YAP1: variants seen among roughly 807,000 people sequenced by gnomAD.
The protein encoded by YAP1 is Yes1 associated transcriptional regulator.
YAP1 carries 5 observed loss-of-function variants against 56.9 expected under a neutral mutation model. The observed-to-expected ratio is 0.09, with a 90% CI of 0.05 to 0.18. The LOEUF (loss-of-function observed/expected upper bound fraction) is 0.18, where lower values mean the gene tolerates loss of function less well. Among genes scored for constraint, YAP1 ranks in the 10% least tolerant of loss-of-function variants. The pLI, the probability that YAP1 is intolerant of heterozygous loss-of-function variation, is 1.00. For synonymous variants in YAP1, 265 were observed against 248.1 expected, an observed-to-expected ratio of 1.07 and a Z score of -0.64; for missense variants, 539 against 651.8, an observed-to-expected ratio of 0.83 and a Z score of 1.88.
At chr11:102,164,054 T>C (rs1367868903) in intron 3 of YAP1, among the ~76,000 whole-genome samples, 1 of 150,582 alleles carries the variant, frequency 6.6e-6, no homozygotes, top group Non-Finnish European at 1.5e-5. Flanking sequence ...TTTTTTTTTA[T>C]TGAGACGGAG....
chr11:102,111,722 T>C (rs928429000), intron 1 of YAP1, among the ~76,000 whole-genome samples: 9 of 152,220 alleles, frequency 5.9e-5, no homozygotes, highest in African/African-American at 9.6e-5. Context: ...CACTTCAGTC[T>C]CCTGGGGGAG....
At chr11:102,208,285 A>C (rs1949223460) in intron 5 of YAP1, among the ~76,000 whole-genome samples, 2 of 152,176 alleles carry the variant, frequency 1.3e-5, no homozygotes, top group African/African-American at 4.8e-5. Flanking sequence ...GAAGGGTATT[A>C]TATAGTATCT....
At chr11:102,205,232 A>G (rs1565266734) in intron 4 of YAP1, among the ~76,000 whole-genome samples, 1 of 152,030 alleles carries the variant, frequency 6.6e-6, no homozygotes, top group Non-Finnish European at 1.5e-5. Context: ...TGTCATCCAG[A>G]TACTTGTGGA....
In YAP1 at chr11:102,223,690, T is replaced by C; in HGVS notation, c.1101T>C (p.Ser367=). The change falls in exon 7 of 9, where the codon TCT becomes TCC. Residue 367 remains serine (S), a synonymous_variant. Coordinates refer to ENST00000282441, the MANE Select transcript of YAP1 (RefSeq NM_001130145.3). ...GTGGGACTCAAAATCCAGTGTCTTC[T>C]CCCGGGATGTCTCAGGAATTGAGAA... The part of the protein sequence containing the change: ...QDGGTQNPVS[S]PGMSQELRTM... 3.7e-6 allele frequency: 6 copies of C among 1,614,126 alleles called. No homozygotes were observed. Among genetic ancestry groups the C allele is most frequent in the Non-Finnish European group, 5.1e-6 (6 of 1,180,018 alleles).
intron 6 of YAP1, among the ~76,000 whole-genome samples, chr11:102,218,255 T>TGGG (rs973962759): frequency 2.0e-5 from 3 of 152,190 alleles, no homozygotes; most frequent in Non-Finnish European, 4.4e-5. Flanking sequence ...AGTCATCCCT[T>TGGG]GGGGGATTGG....
intron 2 of YAP1, among the ~76,000 whole-genome samples, chr11:102,124,724 GTTTTC>G (rs1943921077): frequency 1.3e-5 from 2 of 151,874 alleles, no homozygotes; most frequent in Non-Finnish European, 2.9e-5. Flanking sequence ...TGTTGATTTT[GTTTTC>G]TTTTGTTTCT....
intron 2 of YAP1, among the ~76,000 whole-genome samples, chr11:102,114,615 G>C (rs760550730): frequency 6.6e-6 from 1 of 152,028 alleles, no homozygotes; most frequent in Non-Finnish European, 1.5e-5. Flanking sequence ...CTGAGTCTTG[G>C]TTCTGAGCCT....
chr11:102,225,590 G>C (rs1422443904), intron 7 of YAP1, among the ~76,000 whole-genome samples: 1 of 152,052 alleles, frequency 6.6e-6, no homozygotes, highest in Non-Finnish European at 1.5e-5. Context: ...GCCCCAACTT[G>C]CCTTGGCATT....
intron 3 of YAP1, among the ~76,000 whole-genome samples, chr11:102,162,856 G>A (rs998904504): frequency 3.3e-5 from 5 of 152,098 alleles, no homozygotes; most frequent in Admixed American, 6.5e-5. Context: ...TAATTTTGAC[G>A]TATTTGGTTT....
rs538810789 is a variant in YAP1, at chr11:102,175,324, T to G, written c.689-10694T>G. 7.2e-5 allele frequency among the ~76,000 whole-genome samples: 11 copies of G among 152,028 alleles called. No homozygotes were observed. The South Asian group carries it at 2.3e-3, about 32-fold the overall frequency. On this transcript the variant is annotated intron_variant, in intron 3 of 8. Transcript: ENST00000282441. ...CTGAGGTGGGAGAATTGCTTGAACC[T>G]GGGAGGTGGAGGCTGCAGTGAGCCA... is the stretch of plus-strand genomic sequence containing the variant.
At chr11:102,225,867 C>T (rs1371758857) in intron 7 of YAP1, among the ~76,000 whole-genome samples, 1 of 152,214 alleles carries the variant, frequency 6.6e-6, no homozygotes, top group African/African-American at 2.4e-5. Context: ...TCCTCAAAGC[C>T]TAGTCTAATG....
chr11:102,124,809 T>C (rs1180948947), intron 2 of YAP1, among the ~76,000 whole-genome samples: 1 of 152,110 alleles, frequency 6.6e-6, no homozygotes, highest in Non-Finnish European at 1.5e-5. Context: ...CATCTCAGCT[T>C]ACTGCAACCT....
chr11:102,136,869 G>C (rs1591187048), intron 2 of YAP1, among the ~76,000 whole-genome samples: 1 of 152,248 alleles, frequency 6.6e-6, no homozygotes, highest in East Asian at 1.9e-4. Flanking sequence ...CTGTCGCTGT[G>C]TCAGTAGCAC....
rs1565300051 is a variant in YAP1 at position 102,232,927 on chromosome 11, CTG to C, written c.*2991_*2992del. ...AGTGACTTTGCTACAAATAATGTTG[CTG>C]TGTTAAGTATTCATATTAAATACAT... On this transcript the variant is annotated 3_prime_UTR_variant, in exon 9 of 9. Coordinates refer to ENST00000282441, the MANE Select transcript of YAP1 (RefSeq NM_001130145.3). 2 of 152,362 alleles carry C rather than the reference CTG, an allele frequency of 1.3e-5. No individual in the cohort carries two copies. The highest frequency in any genetic ancestry group is 1.5e-5 in the Non-Finnish European group (1 of 68,026). The allele number at this position is 152,362 out of a possible 1,614,324, so 9.4% of individuals were successfully genotyped here. A position where few individuals can be genotyped will look rare whatever the true frequency, so the allele number is the denominator to read the frequency against.
rs1258720060 is a variant in YAP1, at chr11:102,139,560, A to G, written c.573-22896A>G. ...TTTGTTAACTGGTAGATTATTAAGC[A>G]GTTACAGGATATAAGCTAGTTTTTG... On this transcript the variant is annotated intron_variant, in intron 2 of 8. Coordinates refer to ENST00000282441, the MANE Select transcript of YAP1 (RefSeq NM_001130145.3). Among the ~76,000 whole-genome samples the G allele has an allele frequency of 2.0e-5, 3 of 152,202 alleles. No individual in the cohort carries two copies. In the East Asian group the frequency reaches 5.8e-4, roughly 29 times the overall value.
chr11:102,187,260 C>T (rs913691095), intron 4 of YAP1, among the ~76,000 whole-genome samples: 2 of 152,104 alleles, frequency 1.3e-5, no homozygotes, highest in African/African-American at 2.4e-5. Context: ...TGACTGAACC[C>T]CCTGTTCAAG....
At chr11:102,143,132 GTTT>G (rs1015595028) in intron 2 of YAP1, among the ~76,000 whole-genome samples, 1 of 151,914 alleles carries the variant, frequency 6.6e-6, no homozygotes, top group Non-Finnish European at 1.5e-5. Context: ...CCATTAAAAG[GTTT>G]TTTTTGTTTT....
intron 7 of YAP1, among the ~76,000 whole-genome samples, chr11:102,225,827 T>G (rs992904331): frequency 2.6e-5 from 4 of 152,192 alleles, no homozygotes; most frequent in Admixed American, 6.5e-5. Context: ...AAACATTGTT[T>G]GTAGGTGGTG....
chr11:102,233,196 CTTGA>C lies in YAP1; in HGVS notation c.*3257_*3260del, dbSNP rs1950485744. ...CTATCATAACAATTGTTTTCTGTAT[CTTGA>C]AAAAGTATTCTCCACATTTTAAATG... On this transcript the variant is annotated 3_prime_UTR_variant, in exon 9 of 9. Transcript: ENST00000282441. 2 of 152,132 alleles carry C rather than the reference CTTGA, an allele frequency of 1.3e-5. No homozygotes were observed. The highest frequency in any genetic ancestry group is 4.1e-4 in the South Asian group (2 of 4,826). The allele number at this position is 152,132 out of a possible 1,614,324, so 9.4% of individuals were successfully genotyped here. A position where few individuals can be genotyped will look rare whatever the true frequency, so the allele number is the denominator to read the frequency against.
Sources: allele counts gnomAD v4.1 joint callset (sites outside exome capture counted in the v4.1 genomes callset), GRCh38; gene constraint gnomAD v4.1.1; transcripts MANE v1.5; gene names NCBI Gene and HGNC (gene_info 2026-07-23, HGNC 2026-07-21).